The following TGFBR3 variants were observed in gnomAD, a reference collection of about 807,000 sequenced individuals.
TGFBR3 encodes transforming growth factor beta receptor type 3.
TGFBR3 carries 46 observed loss-of-function variants against 87.9 expected under a neutral mutation model. That is an observed-to-expected ratio of 0.52 (90% confidence interval 0.41 to 0.67). TGFBR3 has a LOEUF of 0.67. TGFBR3 is among the 30% of genes least tolerant of loss of function. The pLI, the probability that TGFBR3 is intolerant of heterozygous loss-of-function variation, is 0.00. For missense variants in TGFBR3, 866 were observed against 1,041.9 expected (o/e 0.83, Z 2.32); for synonymous variants, 381 against 391.6 (o/e 0.97, Z 0.32).
chr1:91,777,244 C>T (rs1674598293), intron 3 of TGFBR3, among the ~76,000 whole-genome samples: 1 of 152,148 alleles, frequency 6.6e-6, no homozygotes, highest in Non-Finnish European at 1.5e-5. Context: ...TCTACACTGC[C>T]CCTTCCAGTG....
At chr1:91,709,141 T>C (rs1260516544) in intron 13 of TGFBR3, among the ~76,000 whole-genome samples, 2 of 152,222 alleles carry the variant, frequency 1.3e-5, no homozygotes, top group African/African-American at 4.8e-5. Flanking sequence ...ACACGGTTCA[T>C]GTTTGTGATT....
chr1:91,787,022 G>A (rs980204205), intron 3 of TGFBR3, among the ~76,000 whole-genome samples: 4 of 152,184 alleles, frequency 2.6e-5, no homozygotes, highest in African/African-American at 9.7e-5. Context: ...AGTGCTACTA[G>A]CTGGGCACAG....
At chr1:91,838,666 T>C (rs112551788) in intron 2 of TGFBR3, among the ~76,000 whole-genome samples, 2,201 of 151,578 alleles carry the variant, frequency 0.015, 61 homozygotes, top group African/African-American at 0.051. Context: ...AGACAGGGTT[T>C]CACCGCGTTA....
chr1:91,826,796 T>G (rs1410459679), intron 2 of TGFBR3, among the ~76,000 whole-genome samples: 1 of 147,668 alleles, frequency 6.8e-6, no homozygotes, highest in East Asian at 2.0e-4. Context: ...CTCCCCTCCC[T>G]GGTCTGGAGG....
At chr1:91,794,105 A>G (rs1480342313) in intron 3 of TGFBR3, among the ~76,000 whole-genome samples, 1 of 152,176 alleles carries the variant, frequency 6.6e-6, no homozygotes, top group Non-Finnish European at 1.5e-5. Flanking sequence ...TTCCCATACC[A>G]TAAAATTCAC....
intron 2 of TGFBR3, among the ~76,000 whole-genome samples, chr1:91,799,019 A>C (rs1167715129): frequency 6.6e-6 from 1 of 152,162 alleles, no homozygotes; most frequent in East Asian, 1.9e-4. Flanking sequence ...CACCCAGGAA[A>C]CTGGGCTGAA....
At chr1:91,687,853 A>C (rs1345809803) in intron 16 of TGFBR3, among the ~76,000 whole-genome samples, 1 of 152,152 alleles carries the variant, frequency 6.6e-6, no homozygotes, top group Non-Finnish European at 1.5e-5. Context: ...ATACCTGGGG[A>C]CACTTTAGAT....
At chr1:91,795,033 CA>C (rs1675323742) in intron 3 of TGFBR3, among the ~76,000 whole-genome samples, 1 of 152,234 alleles carries the variant, frequency 6.6e-6, no homozygotes, top group South Asian at 2.1e-4. Flanking sequence ...TTACCAACCA[CA>C]AACAATCTTT....
At chr1:91,768,377 A>G (rs1209364160) in intron 3 of TGFBR3, among the ~76,000 whole-genome samples, 3 of 152,154 alleles carry the variant, frequency 2.0e-5, no homozygotes. Context: ...TCACCTTAGA[A>G]CCTTGTCCAG....
At chr1:91,861,391 C>T in intron 2 of TGFBR3, 80 bp downstream of exon 2, 3 of 1,123,694 alleles carry the variant, frequency 2.7e-6, no homozygotes, top group East Asian at 2.5e-5. Flanking sequence ...CAGAGTGAAA[C>T]TTCATCTCAA....
At chr1:91,804,421 G>A (rs1044591023) in intron 2 of TGFBR3, among the ~76,000 whole-genome samples, 3 of 152,154 alleles carry the variant, frequency 2.0e-5, no homozygotes, top group Non-Finnish European at 4.4e-5. Flanking sequence ...TTCTGGGTCA[G>A]GCCCTAGCCT....
chr1:91,852,443 A>G (rs1319403322), intron 2 of TGFBR3, among the ~76,000 whole-genome samples: 1 of 152,246 alleles, frequency 6.6e-6, no homozygotes, highest in Non-Finnish European at 1.5e-5. Context: ...ATGCACGCAC[A>G]TGCTGTTTCT....
At chr1:91,810,500 TACC>T (rs1675990538) in intron 2 of TGFBR3, among the ~76,000 whole-genome samples, 1 of 152,226 alleles carries the variant, frequency 6.6e-6, no homozygotes, top group Admixed American at 6.5e-5. Flanking sequence ...GTCCTCTACT[TACC>T]AGAAACTCCA....
At chr1:91,697,614 T>C (rs1671476404) in intron 15 of TGFBR3, among the ~76,000 whole-genome samples, 1 of 152,256 alleles carries the variant, frequency 6.6e-6, no homozygotes, top group Non-Finnish European at 1.5e-5. Flanking sequence ...CTTTCATTCT[T>C]ACATGCTCTT....
intron 2 of TGFBR3, among the ~76,000 whole-genome samples, chr1:91,832,116 TAAAGCTTAGATAATTC>T (rs1676873262): frequency 6.6e-6 from 1 of 152,182 alleles, no homozygotes. Flanking sequence ...CACGTAAAGG[TAAAGCTTAGATAATTC>T]AAAGTTATGT....
intron 2 of TGFBR3, among the ~76,000 whole-genome samples, chr1:91,842,492 T>C (rs1557739548): frequency 6.6e-6 from 1 of 152,216 alleles, no homozygotes; most frequent in Non-Finnish European, 1.5e-5. Context: ...TAACTTCCAG[T>C]TAAAGACCAA....
chr1:91,815,826 C>T (rs1013011071), intron 2 of TGFBR3, among the ~76,000 whole-genome samples: 1 of 152,176 alleles, frequency 6.6e-6, no homozygotes, highest in African/African-American at 2.4e-5. Context: ...AATCAACTGA[C>T]AAGGAAAGAA....
chr1:91,786,062 C>A (rs1674947385), intron 3 of TGFBR3: 4 of 369,482 alleles, frequency 1.1e-5, no homozygotes, highest in Non-Finnish European at 2.1e-5. Context: ...CCACAGCTGG[C>A]CTTCTGCAAA....
Position 91,861,507 on chromosome 1 carries a change from T to A in TGFBR3, c.25A>T (p.Ile9Phe), listed in dbSNP as rs751412677. 6.2e-7 allele frequency: 1 copy of A among 1,613,972 alleles called. No homozygotes were observed. Among genetic ancestry groups the A allele is most frequent in the East Asian group, 2.2e-5 (1 of 44,878 alleles). ...AAACAGGAGCTCATCAGGGCAAAGA[T>A]GGCAATCACATAATGGGAAGTCATT... MTSHYVIAIFALMSSCLAT... is the reference protein window; with the variant it reads MTSHYVIAFFALMSSCLAT... Residue 9 changes from isoleucine to phenylalanine, a missense_variant, in exon 2 of 17, where the codon ATC becomes TTC. Transcript: ENST00000212355.
Sources: gnomAD v4.1 joint callset for allele counts (sites outside exome capture counted in the v4.1 genomes callset) on GRCh38, gnomAD v4.1.1 for gene constraint, MANE v1.5 for transcripts, NCBI Gene and HGNC (gene_info 2026-07-23, HGNC 2026-07-21) for gene names.